SEMA6A: variants seen among roughly 807,000 people sequenced by gnomAD.
The protein encoded by SEMA6A is semaphorin-6A.
A neutral mutation model predicts 96.8 loss-of-function variants in SEMA6A; 25 were observed. That is an observed-to-expected ratio of 0.26 (90% confidence interval 0.19 to 0.36). The LOEUF is 0.36. Ranked by LOEUF, SEMA6A falls within the 10% of genes least tolerant of loss-of-function variation. The pLI is 1.00. For synonymous variants in SEMA6A, 612 were observed against 518.0 expected (o/e 1.18, Z -2.46); for missense variants, 1,363 against 1,323.1 (o/e 1.03, Z -0.47).
chr5:116,565,103 A>G (rs972044206), intron 1 of SEMA6A, among the ~76,000 whole-genome samples: 1 of 152,352 alleles, frequency 6.6e-6, no homozygotes, highest in African/African-American at 2.4e-5. Flanking sequence ...TTGAAATATG[A>G]AAGTGACATC....
chr5:116,467,556 G>A (rs776248229), intron 18 of SEMA6A, 27 bp downstream of exon 18: 15 of 1,592,810 alleles, frequency 9.4e-6, no homozygotes, highest in South Asian at 2.3e-5. Context: ...TCTCCCCCGA[G>A]AGGAAGAGGC....
chr5:116,459,921 A>C (rs572217919), intron 18 of SEMA6A, among the ~76,000 whole-genome samples: 104 of 152,282 alleles, frequency 6.8e-4, no homozygotes, highest in Non-Finnish European at 1.4e-3. Flanking sequence ...ATTTCTGTTG[A>C]ATGCAGGAAA....
chr5:116,451,794 C>T (rs1754653249), intron 18 of SEMA6A, among the ~76,000 whole-genome samples: 1 of 152,078 alleles, frequency 6.6e-6, no homozygotes, highest in Non-Finnish European at 1.5e-5. Context: ...TTAATAGTAG[C>T]ATCTATCAGA....
intron 11 of SEMA6A, among the ~76,000 whole-genome samples, 197 bp from the exon 12 acceptor site, chr5:116,480,474 GAGCCTCAGCCAGCACAGTTC>G (rs1756696472): frequency 6.6e-6 from 1 of 152,198 alleles, no homozygotes; most frequent in East Asian, 1.9e-4. Context: ...CATTTCTGAG[GAGCCTCAGCCAGCACAGTTC>G]AGCCTCAGCT....
chr5:116,467,558 G>A (rs765241072), intron 18 of SEMA6A, 25 bp downstream of exon 18: 1 of 1,595,960 alleles, frequency 6.3e-7, no homozygotes, highest in Non-Finnish European at 8.5e-7. Flanking sequence ...TCCCCCGAGA[G>A]GAAGAGGCAT....
In SEMA6A at chr5:116,478,693, C is replaced by G. The variant is rs1756595018; in HGVS notation, c.1276G>C (p.Asp426His). The change falls in exon 13 of 19, where the codon GAC becomes CAC. Residue 426 changes from aspartate (D) to histidine (H), a missense_variant. Coordinates refer to ENST00000343348, the MANE Select transcript of SEMA6A (RefSeq NM_020796.5). ...TTCTGATATGGCCCAGCAGCTGTGT[C>G]CACTGCAATTTTGGTAAGGCGGTAT... ...VRYRLTKIAV[D>H]TAAGPYQNHT... 1 of 1,612,154 alleles carries G rather than the reference C, an allele frequency of 6.2e-7. No homozygotes were observed. The highest frequency in any genetic ancestry group is 8.5e-7 in the Non-Finnish European group (1 of 1,179,516).
intron 1 of SEMA6A, among the ~76,000 whole-genome samples, chr5:116,535,593 A>G (rs543240193): frequency 2.4e-4 from 37 of 152,328 alleles, no homozygotes; most frequent in African/African-American, 8.2e-4. Flanking sequence ...AAGAATCACC[A>G]TTTATAATAG....
chr5:116,466,321 G>A (rs1393691921), intron 18 of SEMA6A, among the ~76,000 whole-genome samples: 1 of 150,806 alleles, frequency 6.6e-6, no homozygotes, highest in Non-Finnish European at 1.5e-5. Flanking sequence ...GGAGGTTGCA[G>A]TGAGCTGAGA....
Position 116,467,680 on chromosome 5 carries a change from A to G in SEMA6A, c.1797T>C (p.Ser599=). Residue 599 remains serine (S), a synonymous_variant, in exon 18 of 19, where the codon TCT becomes TCC. Transcript: ENST00000343348. ...SDSTAQEGYE[S]RGGMLDWKHL... is the part of the protein sequence containing the mutation. The stretch of plus-strand genomic sequence containing the variant: ...GCTTCCAGTCCAGCATTCCTCCCCT[A>G]GACTCATACCCCTCTTGAGCCGTCG... 6.2e-7 allele frequency: 1 copy of G among 1,613,786 alleles called. No individual in the cohort carries two copies. The highest frequency in any genetic ancestry group is 8.5e-7 in the Non-Finnish European group (1 of 1,179,836).
At chr5:116,486,192 C>A (rs1159172220) in intron 10 of SEMA6A, among the ~76,000 whole-genome samples, 1 of 152,148 alleles carries the variant, frequency 6.6e-6, no homozygotes, top group Non-Finnish European at 1.5e-5. Context: ...AGGTTAATAA[C>A]CAAAGTCCTT....
intron 1 of SEMA6A, among the ~76,000 whole-genome samples, chr5:116,522,397 G>T (rs1463710643): frequency 6.6e-6 from 1 of 152,068 alleles, no homozygotes; most frequent in Non-Finnish European, 1.5e-5. Context: ...CCGTCTCTTC[G>T]CAGTATGGTC....
Position 116,467,767 on chromosome 5 carries a change from A to G in SEMA6A, c.1730-20T>C. The G allele has an allele frequency of 9.3e-6, 15 of 1,612,658 alleles. No homozygotes were observed. Among genetic ancestry groups the G allele is most frequent in the Non-Finnish European group, 1.3e-5 (15 of 1,179,274 alleles). On this transcript the variant is annotated intron_variant, in intron 17 of 18. Coordinates refer to ENST00000343348, the MANE Select transcript of SEMA6A (RefSeq NM_020796.5). ...AATGCCCTGTTTTCATCACAAATAC[A>G]GTTAGGAAAACATCACCAGAGAGAC...
chr5:116,449,496 TG>T, intron 18 of SEMA6A: 1 of 598,186 alleles, frequency 1.7e-6, no homozygotes. Flanking sequence ...ATGTTGTCTT[TG>T]TCACAGCCGA....
intron 1 of SEMA6A, among the ~76,000 whole-genome samples, chr5:116,553,828 T>C (rs1406481001): frequency 6.6e-6 from 1 of 152,136 alleles, no homozygotes; most frequent in Non-Finnish European, 1.5e-5. Flanking sequence ...AATAGTACCA[T>C]GATAAGATAG....
intron 18 of SEMA6A, among the ~76,000 whole-genome samples, chr5:116,450,849 G>T (rs2112585874): frequency 6.6e-6 from 1 of 152,302 alleles, no homozygotes; most frequent in Non-Finnish European, 1.5e-5. Context: ...AGAGTAAGTT[G>T]AAAGTGCAGT....
chr5:116,484,915 A>C (rs1756977767), intron 10 of SEMA6A, among the ~76,000 whole-genome samples: 1 of 152,164 alleles, frequency 6.6e-6, no homozygotes, highest in African/African-American at 2.4e-5. Flanking sequence ...CTAGAGAAGG[A>C]AATGGGGCCA....
At chr5:116,535,900 G>A (rs574377461) in intron 1 of SEMA6A, among the ~76,000 whole-genome samples, 13 of 152,276 alleles carry the variant, frequency 8.5e-5, no homozygotes, top group Admixed American at 2.0e-4. Context: ...GTCATTTTGC[G>A]TAGCCTTTTA....
chr5:116,451,380 C>T (rs1167568228), intron 18 of SEMA6A, among the ~76,000 whole-genome samples: 2 of 152,138 alleles, frequency 1.3e-5, no homozygotes, highest in Admixed American at 1.3e-4. Context: ...TAGACCTGTG[C>T]TTCCAGGTCC....
chr5:116,555,838 A>G (rs1489156723), intron 1 of SEMA6A, among the ~76,000 whole-genome samples: 2 of 152,186 alleles, frequency 1.3e-5, no homozygotes, highest in Non-Finnish European at 2.9e-5. Context: ...TAAAAGATAA[A>G]TACATATTTT....
Sources: gnomAD v4.1 joint callset for allele counts (sites outside exome capture counted in the v4.1 genomes callset) on GRCh38, gnomAD v4.1.1 for gene constraint, MANE v1.5 for transcripts, NCBI Gene and HGNC (gene_info 2026-07-23, HGNC 2026-07-21) for gene names.